The following NRK variants were observed in gnomAD, a reference collection of about 807,000 sequenced individuals.
NRK encodes nik-related protein kinase.
A neutral mutation model predicts 125.2 loss-of-function variants in NRK; 67 were observed. The observed-to-expected ratio is 0.54, with a 90% CI of 0.44 to 0.66. The LOEUF (loss-of-function observed/expected upper bound fraction) is 0.66. NRK is among the 30% of genes least tolerant of loss of function. The pLI, the probability that NRK is intolerant of heterozygous loss-of-function variation, is 0.00. For synonymous variants in NRK, 458 were observed against 429.0 expected (o/e 1.07, Z -0.84); for missense variants, 1,224 against 1,192.9 (o/e 1.03, Z -0.38).
intron 2 of NRK, among the ~76,000 whole-genome samples, chrX:105,835,815 C>A (rs2039257846): frequency 9.1e-6 from 1 of 110,251 alleles, no homozygotes; most frequent in South Asian, 3.9e-4. Flanking sequence ...TACCATAAAT[C>A]TGTATGTTTG....
In NRK at chrX:105,863,357, C is replaced by CACACACACAT. The variant is rs372176349; in HGVS notation, c.124-16841_124-16840insCACACACATA. Among the ~76,000 whole-genome samples, 926 of 106,485 alleles carry CACACACACAT rather than the reference C, an allele frequency of 8.7e-3. 18 individuals carry two copies. The highest frequency in any genetic ancestry group is 0.03 in the African/African-American group (877 of 28,914). 92.5% of individuals were successfully genotyped at this position (106,485 alleles called of 115,157 possible). On this transcript the variant is annotated intron_variant, in intron 2 of 28. Coordinates refer to ENST00000243300, the MANE Select transcript of NRK (RefSeq NM_198465.4). The stretch of plus-strand genomic sequence containing the variant: ...ACACACACACACACACACACACACA[C>CACACACACAT]ATACTATTTTAAAGTCTCTGTGAAA...
At chrX:105,918,127 T>A (rs776496843) in intron 16 of NRK, among the ~76,000 whole-genome samples, 10 of 111,629 alleles carry the variant, frequency 9.0e-5, no homozygotes, top group Non-Finnish European at 1.7e-4. Context: ...TATCCCTAAA[T>A]GTTACAGAGT....
At chrX:105,917,779 G>A (rs971350899) in intron 16 of NRK, 107 bp downstream of exon 16, 4 of 433,606 alleles carry the variant, frequency 9.2e-6, no homozygotes, top group Non-Finnish European at 1.5e-5. Flanking sequence ...TGAATCAAAA[G>A]TGTCAGGGAG....
At chrX:105,835,045 G>A (rs1451115117) in intron 2 of NRK, among the ~76,000 whole-genome samples, 4 of 111,608 alleles carry the variant, frequency 3.6e-5, no homozygotes, top group Non-Finnish European at 5.7e-5. Flanking sequence ...TTTGTCTCTT[G>A]AGAATGTTTT....
chrX:105,832,972 T>A (rs1176808980), intron 2 of NRK, among the ~76,000 whole-genome samples: 1 of 111,018 alleles, frequency 9.0e-6, no homozygotes, highest in East Asian at 2.8e-4. Flanking sequence ...GAGACTGCAG[T>A]GGATTATGTT....
intron 2 of NRK, among the ~76,000 whole-genome samples, chrX:105,875,948 AAG>A (rs1319563510): frequency 9.0e-6 from 1 of 111,409 alleles, no homozygotes; most frequent in East Asian, 2.8e-4. Context: ...TTTAAAAAGA[AAG>A]AAATGCTGTC....
intron 5 of NRK, among the ~76,000 whole-genome samples, chrX:105,890,608 GAGCA>G (rs1420877415): frequency 3.6e-5 from 4 of 112,304 alleles, no homozygotes; most frequent in African/African-American, 1.3e-4. Context: ...AGCAAAGGAG[GAGCA>G]AAGTCATGTC....
intron 16 of NRK, among the ~76,000 whole-genome samples, chrX:105,919,446 C>T (rs759206405): frequency 1.2e-3 from 129 of 111,540 alleles, no homozygotes; most frequent in African/African-American, 3.9e-3. Flanking sequence ...CAACTAGCCT[C>T]ATGTAGCTAT....
Position 105,912,673 on chromosome X carries a change from A to G in NRK, c.2267A>G (p.Asn756Ser). 2.7e-6 allele frequency: 3 copies of G among 1,104,685 alleles called. No individual in the cohort carries two copies. The highest frequency in any genetic ancestry group is 3.7e-6 in the Non-Finnish European group (3 of 819,485). 91.0% of individuals were successfully genotyped at this position (1,104,685 alleles called of 1,213,427 possible). A position where few individuals can be genotyped will look rare whatever the true frequency, so the allele number is the denominator to read the frequency against. ...GACAAAGAAGATGAATCATCAGACA[A>G]TGATGAAGTATTTCATTCGATTCAG... ...DKDKEDESSD[N>S]DEVFHSIQAE... The change falls in exon 14 of 29, where the codon AAT becomes AGT. Residue 756 changes from asparagine to serine, a missense_variant. Physicochemically the swap from Asn to Ser is conservative, Grantham distance 46. Coordinates refer to ENST00000243300, the MANE Select transcript of NRK (RefSeq NM_198465.4).
intron 2 of NRK, among the ~76,000 whole-genome samples, chrX:105,865,683 A>G (rs1022213645): frequency 2.7e-5 from 3 of 111,899 alleles, no homozygotes; most frequent in African/African-American, 9.7e-5. Flanking sequence ...ATATTAATAA[A>G]TAAAATTGGA....
At chrX:105,890,035 G>T (rs1335344885) in intron 5 of NRK, among the ~76,000 whole-genome samples, 1 of 111,673 alleles carries the variant, frequency 9.0e-6, no homozygotes, top group Non-Finnish European at 1.9e-5. Context: ...TGCATAATCA[G>T]GCTGCAAATT....
chrX:105,876,647 TTTC>T (rs1464402489), intron 2 of NRK, among the ~76,000 whole-genome samples: 1 of 112,127 alleles, frequency 8.9e-6, no homozygotes, highest in Non-Finnish European at 1.9e-5. Flanking sequence ...ACTAAATTTC[TTTC>T]TTAACGTTCT....
At position 105,915,741 on chromosome X, in the gene NRK, A is replaced by T; in HGVS notation, c.2361A>T (p.Arg787Ser). The change falls in exon 15 of 29, where the codon AGA becomes AGT. Residue 787 changes from arginine to serine, a missense_variant. Arg to Ser is a moderately radical substitution (Grantham distance 110). Coordinates refer to ENST00000243300, the MANE Select transcript of NRK (RefSeq NM_198465.4). The part of the protein sequence containing the change: ...SNPKKIEVQE[R>S]SPSVPNNQDH... ...ATTGTGTCTTTAAGGTTCAAGAGAG[A>T]TCTCCTTCTGTGCCTAACAACCAGG... 8.7e-7 allele frequency: 1 copy of T among 1,144,203 alleles called. No homozygotes were observed. The highest frequency in any genetic ancestry group is 1.2e-6 in the Non-Finnish European group (1 of 837,030). The allele number at this position is 1,144,203 out of a possible 1,213,427, so 94.3% of individuals were successfully genotyped here.
chrX:105,862,417 T>A (rs1316505199), intron 2 of NRK, among the ~76,000 whole-genome samples: 1 of 108,343 alleles, frequency 9.2e-6, no homozygotes, highest in African/African-American at 3.4e-5. Context: ...AAATTTCCAA[T>A]GAGAAAAAAA....
At chrX:105,926,205 GA>G (rs1473364350) in intron 19 of NRK, among the ~76,000 whole-genome samples, 1 of 111,179 alleles carries the variant, frequency 9.0e-6, no homozygotes, top group African/African-American at 3.3e-5. Context: ...TAATTATGTT[GA>G]AATTTTTTTT....
intron 2 of NRK, among the ~76,000 whole-genome samples, chrX:105,860,038 T>G (rs1005414804): frequency 8.9e-6 from 1 of 111,914 alleles, no homozygotes; most frequent in African/African-American, 3.3e-5. Flanking sequence ...TTGTATTTTT[T>G]TATTGCTTGC....
rs2040357933 is a variant in NRK at position 105,915,805 on chromosome X, T to G, written c.2417+8T>G. The G allele has an allele frequency of 4.1e-6, 4 of 965,368 alleles. No homozygotes were observed. Among genetic ancestry groups the G allele is most frequent in the Non-Finnish European group, 5.9e-6 (4 of 679,643 alleles). The allele number at this position is 965,368 out of a possible 1,213,427, so 79.6% of individuals were successfully genotyped here. ...TGTCAAGTTCTCTTCAAGGTATGTG[T>G]CTTTGATTTCTATATTAAAATTATT... is the stretch of plus-strand genomic sequence containing the variant. On this transcript the variant is annotated splice_region_variant and intron_variant, in intron 15 of 28. Transcript: ENST00000243300.
At chrX:105,847,038 G>T (rs1381688180) in intron 2 of NRK, among the ~76,000 whole-genome samples, 1 of 111,965 alleles carries the variant, frequency 8.9e-6, no homozygotes, top group Non-Finnish European at 1.9e-5. Flanking sequence ...AGCCAGGTCT[G>T]TAATGAGATA....
intron 19 of NRK, among the ~76,000 whole-genome samples, chrX:105,932,012 C>A (rs1186067997): frequency 9.0e-6 from 1 of 111,051 alleles, no homozygotes; most frequent in Non-Finnish European, 1.9e-5. Context: ...TGTTTCCCCC[C>A]TCCTCTAACC....
Sources: allele counts gnomAD v4.1 joint callset (sites outside exome capture counted in the v4.1 genomes callset), GRCh38; gene constraint gnomAD v4.1.1; transcripts MANE v1.5; gene names NCBI Gene and HGNC (gene_info 2026-07-23, HGNC 2026-07-21).